Variants in FGF3 observed in about 807,000 individuals in gnomAD.
The protein encoded by FGF3 is FGF-3.
Under a neutral mutation model 9.8 loss-of-function variants are expected in FGF3, and 7 were observed. The ratio of observed to expected loss-of-function variants is 0.72; its 90% CI spans 0.41 to 1.35. The LOEUF (loss-of-function observed/expected upper bound fraction) is 1.35, where lower values mean the gene tolerates loss of function less well. FGF3 is among the 40% of genes most tolerant of loss of function. FGF3 has a pLI of 0.01. For missense variants in FGF3, 390 were observed against 345.6 expected, an observed-to-expected ratio of 1.13 and a Z score of -1.02; for synonymous variants, 173 against 157.2, an observed-to-expected ratio of 1.10 and a Z score of -0.75.
At chr11:69,812,597 C>G (rs2119913054) in intron 2 of FGF3, among the ~76,000 whole-genome samples, 1 of 152,304 alleles carries the variant, frequency 6.6e-6, no homozygotes, top group Non-Finnish European at 1.5e-5. Context: ...CTGTGCCTGA[C>G]CCCCACATAG....
At chr11:69,817,492 G>A (rs1856154593) in intron 1 of FGF3, 2 of 152,276 alleles carry the variant, frequency 1.3e-5, no homozygotes, top group South Asian at 4.1e-4. Context: ...ACACCAAGAA[G>A]TTTGGATGCT....
rs894177648 is a variant in FGF3, at chr11:69,812,936, T to C, written c.325-2236A>G. On this transcript the variant is annotated intron_variant, in intron 2 of 2. Coordinates refer to ENST00000334134, the MANE Select transcript of FGF3 (RefSeq NM_005247.4). ...GCAGTGTAGATCAATTGCTGACACG[T>C]GGTAGGGCACCTGGGGTGGCCAAGA... 7.9e-5 allele frequency among the ~76,000 whole-genome samples: 12 copies of C among 152,114 alleles called. No individual in the cohort carries two copies. The South Asian group carries it at 2.3e-3, about 29-fold the overall frequency.
Position 69,816,465 on chromosome 11 carries a change from G to A in FGF3, c.221-42C>T. On this transcript the variant is annotated intron_variant, in intron 1 of 2. Coordinates refer to ENST00000334134, the MANE Select transcript of FGF3 (RefSeq NM_005247.4). ...GTGCCTCACTCCCGCCGCCCCCACG[G>A]AGGGGGCGGCTGAGGCCCAGCTGGC... The A allele has an allele frequency of 1.9e-6, 3 of 1,541,190 alleles. No individual in the cohort carries two copies. The South Asian group carries it at 3.3e-5, about 17-fold the overall frequency.
chr11:69,818,768 G>A lies in FGF3; in HGVS notation c.166C>T (p.Leu56Phe), dbSNP rs782324453. The A allele has an allele frequency of 2.7e-6, 4 of 1,497,538 alleles. No individual in the cohort carries two copies. The South Asian group carries it at 5.0e-5, about 19-fold the overall frequency. 92.8% of individuals were successfully genotyped at this position (1,497,538 alleles called of 1,614,324 possible). ...RKLYCATKYH[L>F]QLHPSGRVNG... ...ACGCGGCCGCTCGGGTGCAGCTGGA[G>A]GTGGTACTTCGTGGCGCAGTAGAGC... is the stretch of plus-strand genomic sequence containing the variant. Residue 56 changes from leucine to phenylalanine, a missense_variant, in exon 1 of 3, where the codon CTC becomes TTC. Physicochemically the swap from Leu to Phe is conservative, Grantham distance 22. Transcript: ENST00000334134.
In FGF3 at chr11:69,818,580, C is replaced by T. The variant is rs565426650; in HGVS notation, c.220+134G>A. The T allele has an allele frequency of 1.6e-5, 9 of 565,116 alleles. No individual in the cohort carries two copies. In the East Asian group the frequency reaches 1.8e-4, roughly 11 times the overall value. The allele number at this position is 565,116 out of a possible 1,614,324, so 35.0% of individuals were successfully genotyped here. Reference sequence around the variant, plus strand: ...ACGGTCTTTTCCCGGACACCCCGGGCGCACCATGCCTTCTCCCGGGCCAGA... The same window carrying T: ...ACGGTCTTTTCCCGGACACCCCGGGTGCACCATGCCTTCTCCCGGGCCAGA... On this transcript the variant is annotated intron_variant, in intron 1 of 2. Coordinates refer to ENST00000334134, the MANE Select transcript of FGF3 (RefSeq NM_005247.4).
intron 2 of FGF3, among the ~76,000 whole-genome samples, chr11:69,814,405 G>A (rs1448358159): frequency 6.6e-6 from 1 of 151,902 alleles, no homozygotes; most frequent in Non-Finnish European, 1.5e-5. Flanking sequence ...TTAAGATGGG[G>A]AGTCGGGGAG....
chr11:69,817,870 G>T (rs1554981265), intron 1 of FGF3, among the ~76,000 whole-genome samples: 1 of 152,218 alleles, frequency 6.6e-6, no homozygotes, highest in Non-Finnish European at 1.5e-5. Flanking sequence ...AGGTCCCTGT[G>T]ACCAGAGGAG....
In FGF3 at chr11:69,816,378, C is replaced by T; in HGVS notation, c.266G>A (p.Arg89Lys). 1 of 1,614,136 alleles carries T rather than the reference C, an allele frequency of 6.2e-7. No individual in the cohort carries two copies. The highest frequency in any genetic ancestry group is 8.5e-7 in the Non-Finnish European group (1 of 1,180,016). The stretch of plus-strand genomic sequence containing the variant: ...CAGGTACCGCCCGGAGAAGAGACCC[C>T]TGATGGCCACAATGCCCACCTCCAC... ...TAVEVGIVAIRGLFSGRYLAM... is the reference protein window; with the variant it reads ...TAVEVGIVAIKGLFSGRYLAM... The change falls in exon 2 of 3, where the codon AGG becomes AAG. Residue 89 changes from arginine to lysine, a missense_variant. Transcript: ENST00000334134.
chr11:69,818,936 T>G lies in FGF3; in HGVS notation c.-3A>C. The G allele has an allele frequency of 6.8e-7, 1 of 1,463,688 alleles. No individual in the cohort carries two copies. Among genetic ancestry groups the G allele is most frequent in the East Asian group, 3.0e-5 (1 of 33,840 alleles). The allele number at this position is 1,463,688 out of a possible 1,614,324, so 90.7% of individuals were successfully genotyped here. ...AGTAGCAGCCAGATTAGGCCCATCG[T>G]GGCATCGCGCCCGCCCCGCGGCGGC... On this transcript the variant is annotated 5_prime_UTR_variant, in exon 1 of 3. Transcript: ENST00000334134.
At chr11:69,817,962 G>T (rs911077235) in intron 1 of FGF3, among the ~76,000 whole-genome samples, 1 of 152,226 alleles carries the variant, frequency 6.6e-6, no homozygotes, top group Non-Finnish European at 1.5e-5. Flanking sequence ...GAGTGTGTGT[G>T]TCTGCACCCC....
In FGF3 at chr11:69,810,358, A is replaced by G. The variant is rs782607197; in HGVS notation, c.667T>C (p.Ser223Pro). ...CCCAGTCTCGAAGCCTGAACGTGAG[A>G]GGGCTCCAGGTTATCCGGGCTCTGC... ...QKQSPDNLEP[S>P]HVQASRLGSQ... The change falls in exon 3 of 3, where the codon TCT (serine) becomes CCT (proline). Residue 223 changes from serine (S) to proline (P), a missense_variant. Ser to Pro is a moderately conservative substitution (Grantham distance 74, BLOSUM62 -1). Coordinates refer to ENST00000334134, the MANE Select transcript of FGF3 (RefSeq NM_005247.4). The G allele has an allele frequency of 2.6e-6, 4 of 1,565,878 alleles. No individual in the cohort carries two copies. Among genetic ancestry groups the G allele is most frequent in the African/African-American group, 1.4e-5 (1 of 73,756 alleles).
chr11:69,818,522 C>T (rs1194550270), intron 1 of FGF3, among the ~76,000 whole-genome samples, 192 bp downstream of exon 1: 2 of 152,090 alleles, frequency 1.3e-5, no homozygotes, highest in African/African-American at 4.8e-5. Context: ...GAGGAGGGCA[C>T]CCTGGCATTC....
In FGF3 at chr11:69,810,621, C is replaced by A; in HGVS notation, c.404G>T (p.Arg135Leu). 2 of 1,606,152 alleles carry A rather than the reference C, an allele frequency of 1.2e-6. No individual in the cohort carries two copies. Among genetic ancestry groups the A allele is most frequent in the Non-Finnish European group, 1.7e-6 (2 of 1,174,958 alleles). ...GGCCCCAGGCGTACTAGACACCGTCCGGTACAGCCGGGAGGCATACGTATT... is the reference window on the plus strand; with the variant it reads ...GGCCCCAGGCGTACTAGACACCGTCAGGTACAGCCGGGAGGCATACGTATT... Reference protein sequence around the residue: ...GYNTYASRLYRTVSSTPGARR... With the variant: ...GYNTYASRLYLTVSSTPGARR... The change falls in exon 3 of 3, where the codon CGG (arginine) becomes CTG (leucine). Residue 135 changes from arginine (R) to leucine (L), a missense_variant. By Grantham distance (102) the Arg-to-Leu change is moderately radical. Transcript: ENST00000334134.
Position 69,818,751 on chromosome 11 carries a change from G to T in FGF3, c.183C>A (p.Ser61Arg), listed in dbSNP as rs1554981393. The change falls in exon 1 of 3, where the codon AGC becomes AGA. Residue 61 changes from serine to arginine, a missense_variant. By Grantham distance (110) the Ser-to-Arg change is moderately radical. Transcript: ENST00000334134. ...ATKYHLQLHP[S>R]GRVNGSLENS... ...TCTCCAGGCTGCCGTTGACGCGGCC[G>T]CTCGGGTGCAGCTGGAGGTGGTACT... The T allele has an allele frequency of 1.3e-6, 2 of 1,494,390 alleles. No homozygotes were observed. Among genetic ancestry groups the T allele is most frequent in the South Asian group, 1.3e-5 (1 of 79,914 alleles). 92.6% of individuals were successfully genotyped at this position (1,494,390 alleles called of 1,614,324 possible). A position where few individuals can be genotyped will look rare whatever the true frequency, so the allele number is the denominator to read the frequency against.
chr11:69,815,128 TGGATG>T lies in FGF3; in HGVS notation c.324+1187_324+1191del, dbSNP rs1554980957. The stretch of plus-strand genomic sequence containing the variant: ...ATAGGTGGATGGATGGATGGATGGA[TGGATG>T]GATAGGTGGATGGGTGGATGGGTGG... On this transcript the variant is annotated intron_variant, in intron 2 of 2. Coordinates refer to ENST00000334134, the MANE Select transcript of FGF3 (RefSeq NM_005247.4). Among the ~76,000 whole-genome samples, 51 of 147,894 alleles carry T rather than the reference TGGATG, an allele frequency of 3.4e-4. 1 individual carries two copies. The highest frequency in any genetic ancestry group is 3.1e-4 in the Non-Finnish European group (21 of 67,114).
chr11:69,815,822 G>C lies in FGF3; in HGVS notation c.324+498C>G, dbSNP rs545688009. Among the ~76,000 whole-genome samples the C allele has an allele frequency of 7.9e-5, 12 of 152,216 alleles. No homozygotes were observed. In the South Asian group the frequency reaches 1.5e-3, roughly 18 times the overall value. ...AGGGCTCCAAGGCTCCTGTGTGCCCGGGACATGGGCGCCATCCCCCTTCCC... is the reference window on the plus strand; with the variant it reads ...AGGGCTCCAAGGCTCCTGTGTGCCCCGGACATGGGCGCCATCCCCCTTCCC... On this transcript the variant is annotated intron_variant, in intron 2 of 2. Transcript: ENST00000334134.
chr11:69,819,016 G>T lies in FGF3; in HGVS notation c.-83C>A. 1 of 898,992 alleles carries T rather than the reference G, an allele frequency of 1.1e-6. No homozygotes were observed. The highest frequency in any genetic ancestry group is 1.6e-6 in the Non-Finnish European group (1 of 636,636). The allele number at this position is 898,992 out of a possible 1,614,324, so 55.7% of individuals were successfully genotyped here. A position where few individuals can be genotyped will look rare whatever the true frequency, so the allele number is the denominator to read the frequency against. ...GAAGGGGCGGCAGCCGGACAGCTGC[G>T]AGGTGCTCGGAGCGGGATCCCGCGC... is the stretch of plus-strand genomic sequence containing the variant. On this transcript the variant is annotated 5_prime_UTR_variant, in exon 1 of 3. Transcript: ENST00000334134.
chr11:69,811,450 C>CAAAAAAAAAAAAAAAAA (rs33951596), intron 2 of FGF3, among the ~76,000 whole-genome samples: 1 of 97,364 alleles, frequency 1.0e-5, no homozygotes, highest in African/African-American at 3.8e-5. Flanking sequence ...AACTCTGACT[C>CAAAAAAAAAAAAAAAAA]AAAAAAAAAA....
chr11:69,810,231 G>T lies in FGF3; in HGVS notation c.*74C>A. On this transcript the variant is annotated 3_prime_UTR_variant, in exon 3 of 3. Coordinates refer to ENST00000334134, the MANE Select transcript of FGF3 (RefSeq NM_005247.4). ...GCGGGACGCAGGGGCAAGGGCTCAA[G>T]GAGGAGAGTCAGAGTCAAGAGGCTG... 1 of 1,375,266 alleles carries T rather than the reference G, an allele frequency of 7.3e-7. No homozygotes were observed. Among genetic ancestry groups the T allele is most frequent in the Non-Finnish European group, 9.8e-7 (1 of 1,021,414 alleles). 85.2% of individuals were successfully genotyped at this position (1,375,266 alleles called of 1,614,324 possible). A position where few individuals can be genotyped will look rare whatever the true frequency, so the allele number is the denominator to read the frequency against.
Sources: gnomAD v4.1 joint callset for allele counts (sites outside exome capture counted in the v4.1 genomes callset) on GRCh38, gnomAD v4.1.1 for gene constraint, MANE v1.5 for transcripts, NCBI Gene and HGNC (gene_info 2026-07-23, HGNC 2026-07-21) for gene names.